Variants in PDE8B observed in about 807,000 individuals in gnomAD.
PDE8B encodes phosphodiesterase 8B, also known as high affinity cAMP-specific and IBMX-insensitive 3',5'-cyclic phosphodiesterase 8B.
In PDE8B, 26 loss-of-function variants were observed where a neutral mutation model predicts 101.3. The observed-to-expected ratio is 0.26, with a 90% confidence interval of 0.19 to 0.36. PDE8B has a LOEUF of 0.36. PDE8B is among the 10% of genes least tolerant of loss of function. The pLI, the probability that PDE8B is intolerant of heterozygous loss-of-function variation, is 1.00. For missense variants in PDE8B, 810 were observed against 1,163.1 expected (o/e 0.70, Z 4.42); for synonymous variants, 424 against 429.3 (o/e 0.99, Z 0.15).
At chr5:77,307,181 C>G (rs1771411412) in intron 1 of PDE8B, among the ~76,000 whole-genome samples, 1 of 152,162 alleles carries the variant, frequency 6.6e-6, no homozygotes. Flanking sequence ...CACTTGTTTT[C>G]TCCCCACCAG....
At chr5:77,326,311 A>G (rs1035502497) in intron 3 of PDE8B, among the ~76,000 whole-genome samples, 7 of 152,204 alleles carry the variant, frequency 4.6e-5, no homozygotes, top group African/African-American at 1.7e-4. Context: ...CAGTCATAAG[A>G]GTTAGCTCTG....
the PDE8B span, among the ~76,000 whole-genome samples, chr5:77,150,359 A>C: frequency 5.9e-5 from 9 of 152,358 alleles, no homozygotes; most frequent in East Asian, 1.7e-3. Flanking sequence ...GGTTTCTCAG[A>C]GTTCCCAATG....
chr5:77,325,461 G>A (rs1396412364), intron 2 of PDE8B, 78 bp from the exon 3 acceptor site: 69 of 1,313,666 alleles, frequency 5.3e-5, no homozygotes, highest in South Asian at 4.7e-5. Context: ...GAGCCACTGC[G>A]CCTGGCCACT....
upstream of PDE8B, among the ~76,000 whole-genome samples, chr5:77,207,292 A>G (rs1185891891): frequency 6.6e-6 from 1 of 152,208 alleles, no homozygotes; most frequent in African/African-American, 2.4e-5. Flanking sequence ...CTCTAGAGGA[A>G]TTCTGAAGAG....
intron 15 of PDE8B, 83 bp downstream of exon 15, chr5:77,411,804 G>A (rs2151095310): frequency 9.3e-7 from 1 of 1,075,360 alleles, no homozygotes; most frequent in Non-Finnish European, 1.4e-6. Flanking sequence ...GTTCTGGGAG[G>A]TGTTACTTCC....
chr5:77,202,142 C>T, the PDE8B span, among the ~76,000 whole-genome samples: 2 of 152,192 alleles, frequency 1.3e-5, no homozygotes, highest in South Asian at 4.1e-4. Flanking sequence ...CTTCAAAATA[C>T]AAATTTTGGG....
At chr5:77,105,806 C>T in the PDE8B span, 1 of 152,202 alleles carries the variant, frequency 6.6e-6, no homozygotes, top group Admixed American at 6.5e-5. Flanking sequence ...TCCTTACTGA[C>T]ACTTAGTATT....
At chr5:77,291,543 A>G (rs879056937) in intron 1 of PDE8B, 2 of 1,603,454 alleles carry the variant, frequency 1.2e-6, no homozygotes, top group Non-Finnish European at 1.7e-6. Flanking sequence ...AGTAAAACAG[A>G]GACTTTCAAG....
At chr5:77,139,780 A>G in the PDE8B span, 4 of 152,188 alleles carry the variant, frequency 2.6e-5, no homozygotes, top group Non-Finnish European at 2.9e-5. Context: ...TAAAAGAACT[A>G]TTTGGTTATT....
At chr5:77,283,940 T>C (rs769640393) in intron 1 of PDE8B, among the ~76,000 whole-genome samples, 6 of 152,242 alleles carry the variant, frequency 3.9e-5, no homozygotes, top group Non-Finnish European at 8.8e-5. Flanking sequence ...CATTTTGCAT[T>C]TTCACTGACA....
intron 20 of PDE8B, among the ~76,000 whole-genome samples, chr5:77,422,981 G>C (rs1452474908): frequency 6.6e-6 from 1 of 152,176 alleles, no homozygotes; most frequent in Non-Finnish European, 1.5e-5. Flanking sequence ...AGTAAACATA[G>C]TACCCAATAA....
chr5:77,100,783 A>T, the PDE8B span, among the ~76,000 whole-genome samples: 2 of 152,100 alleles, frequency 1.3e-5, no homozygotes, highest in East Asian at 3.9e-4. Flanking sequence ...CTCCAAGTAT[A>T]GTCAGGGTTG....
chr5:77,218,797 A>G (rs1270067805), intron 1 of PDE8B, among the ~76,000 whole-genome samples: 1 of 152,160 alleles, frequency 6.6e-6, no homozygotes, highest in Non-Finnish European at 1.5e-5. Context: ...TCTTATTTTT[A>G]TGGTTGCTAT....
the PDE8B span, among the ~76,000 whole-genome samples, chr5:77,095,761 A>G: frequency 6.6e-6 from 1 of 152,176 alleles, no homozygotes; most frequent in Non-Finnish European, 1.5e-5. Context: ...GTCCCCATAA[A>G]CTTTCTGTAA....
intron 12 of PDE8B, among the ~76,000 whole-genome samples, chr5:77,405,496 T>G (rs1328589366): frequency 1.3e-5 from 2 of 152,154 alleles, no homozygotes; most frequent in Admixed American, 6.6e-5. Flanking sequence ...ACCCTGGTAC[T>G]CGGGGCTATA....
chr5:77,409,176 C>A, intron 14 of PDE8B, 119 bp downstream of exon 14: 2 of 811,492 alleles, frequency 2.5e-6, no homozygotes, highest in Non-Finnish European at 4.2e-6. Context: ...CTAACGTTAG[C>A]ATAACCAGAA....
chr5:77,345,129 A>G (rs1041602404), intron 7 of PDE8B, among the ~76,000 whole-genome samples, 198 bp downstream of exon 7: 1 of 152,260 alleles, frequency 6.6e-6, no homozygotes, highest in Non-Finnish European at 1.5e-5. Flanking sequence ...TTATTACTTC[A>G]GATCAGAACC....
the PDE8B span, among the ~76,000 whole-genome samples, chr5:77,166,492 A>C: frequency 1.3e-5 from 2 of 152,150 alleles, no homozygotes; most frequent in African/African-American, 2.4e-5. Context: ...AGAGTTAGAA[A>C]TCTCATTCTA....
chr5:77,406,239 G>A (rs1793415072), intron 12 of PDE8B, among the ~76,000 whole-genome samples: 1 of 152,010 alleles, frequency 6.6e-6, no homozygotes, highest in African/African-American at 2.4e-5. Context: ...GAGCTAGATC[G>A]TGCCTCCAGC....
Sources: gnomAD v4.1 joint callset for allele counts (sites outside exome capture counted in the v4.1 genomes callset) on GRCh38, gnomAD v4.1.1 for gene constraint, MANE v1.5 for transcripts, NCBI Gene and HGNC (gene_info 2026-07-23, HGNC 2026-07-21) for gene names.